The following ARHGAP15 variants were observed in gnomAD, a reference collection of about 807,000 sequenced individuals.
ARHGAP15 encodes Rho GTPase activating protein 15.
ARHGAP15 carries 51 observed loss-of-function variants against 63.7 expected under a neutral mutation model. The observed-to-expected ratio is 0.80, with a 90% CI of 0.64 to 1.01. The LOEUF is 1.01. ARHGAP15 is among the 50% of genes least tolerant of loss of function. The pLI, the probability that ARHGAP15 is intolerant of heterozygous loss-of-function variation, is 0.00. For missense variants in ARHGAP15, 560 were observed against 564.6 expected, an observed-to-expected ratio of 0.99 and a Z score of 0.08; for synonymous variants, 191 against 193.8, an observed-to-expected ratio of 0.99 and a Z score of 0.12.
intron 2 of ARHGAP15, among the ~76,000 whole-genome samples, chr2:143,179,534 A>G (rs1691142357): frequency 6.6e-6 from 1 of 152,226 alleles, no homozygotes; most frequent in South Asian, 2.1e-4. Context: ...TCACAGAGCA[A>G]ATAAAAGTTA....
At chr2:143,507,616 C>G (rs1693379607) in intron 9 of ARHGAP15, among the ~76,000 whole-genome samples, 1 of 152,200 alleles carries the variant, frequency 6.6e-6, no homozygotes, top group Non-Finnish European at 1.5e-5. Flanking sequence ...GAGGTTGATG[C>G]TTTCCAAACT....
At chr2:143,451,117 T>C (rs192681747) in intron 8 of ARHGAP15, among the ~76,000 whole-genome samples, 141 of 152,004 alleles carry the variant, frequency 9.3e-4, no homozygotes, top group African/African-American at 3.2e-3. Context: ...TGTTTCAAGA[T>C]TAGTTAACGA....
intron 6 of ARHGAP15, among the ~76,000 whole-genome samples, chr2:143,325,832 C>A (rs1684225760): frequency 6.6e-6 from 1 of 152,022 alleles, no homozygotes; most frequent in Non-Finnish European, 1.5e-5. Context: ...TGCACTTATT[C>A]AATGAAAGTT....
intron 12 of ARHGAP15, among the ~76,000 whole-genome samples, chr2:143,670,959 C>T (rs550125866): frequency 6.6e-6 from 1 of 152,256 alleles, no homozygotes; most frequent in South Asian, 2.1e-4. Flanking sequence ...TGAAAAAGTA[C>T]TCTCAGGAAT....
intron 6 of ARHGAP15, among the ~76,000 whole-genome samples, chr2:143,356,486 G>A (rs1005799000): frequency 5.9e-5 from 9 of 152,138 alleles, no homozygotes; most frequent in East Asian, 1.9e-4. Context: ...AAAATAGTGC[G>A]AAACACTCCA....
intron 6 of ARHGAP15, among the ~76,000 whole-genome samples, chr2:143,379,485 ATATGTGTGTGTGTGTGTGTGTG>A (rs1686963983): frequency 2.2e-5 from 2 of 90,192 alleles, no homozygotes; most frequent in Non-Finnish European, 5.1e-5. Context: ...TTAGGCATAT[ATATGTGTGTGTGTGTGTGTGTG>A]TGTGTGTGTG....
intron 13 of ARHGAP15, among the ~76,000 whole-genome samples, chr2:143,736,362 C>T (rs912100649): frequency 2.0e-5 from 3 of 151,424 alleles, no homozygotes; most frequent in Middle Eastern, 3.4e-3. Flanking sequence ...TACCACTGCA[C>T]TCCAGCCTGG....
chr2:143,684,541 A>G (rs987806490), intron 12 of ARHGAP15, among the ~76,000 whole-genome samples: 2 of 152,178 alleles, frequency 1.3e-5, no homozygotes, highest in South Asian at 2.1e-4. Context: ...CAGCAATACA[A>G]TGTCACAGAA....
intron 6 of ARHGAP15, among the ~76,000 whole-genome samples, chr2:143,270,922 A>G (rs1160295613): frequency 1.3e-5 from 2 of 152,048 alleles, no homozygotes; most frequent in African/African-American, 2.4e-5. Context: ...GTATATTCAA[A>G]AACATTTGAG....
intron 13 of ARHGAP15, among the ~76,000 whole-genome samples, chr2:143,757,096 T>A (rs981651784): frequency 2.0e-5 from 3 of 152,064 alleles, no homozygotes; most frequent in African/African-American, 7.2e-5. Context: ...TTTGTTCATC[T>A]GAAAAAGTTC....
rs374422960 is a variant in ARHGAP15 at position 143,437,047 on chromosome 2, G to T, written c.703+5G>T. ...CAGAGCACAGAAAATCTTTAAGTGA[G>T]TATTTTCTTTGACTTGCTCATTTTA... On this transcript the variant is annotated splice_donor_5th_base_variant and intron_variant, in intron 8 of 13. Transcript: ENST00000295095. The T allele has an allele frequency of 6.3e-7, 1 of 1,590,004 alleles. No homozygotes were observed. Among genetic ancestry groups the T allele is most frequent in the Non-Finnish European group, 8.5e-7 (1 of 1,173,638 alleles).
At chr2:143,222,086 G>T (rs1040099343) in intron 4 of ARHGAP15, among the ~76,000 whole-genome samples, 2 of 152,186 alleles carry the variant, frequency 1.3e-5, no homozygotes, top group Admixed American at 6.5e-5. Flanking sequence ...TACTGACAGA[G>T]ATGGGTATTT....
intron 6 of ARHGAP15, among the ~76,000 whole-genome samples, chr2:143,361,100 G>T (rs978946985): frequency 6.6e-6 from 1 of 152,094 alleles, no homozygotes; most frequent in African/African-American, 2.4e-5. Context: ...TTCCAGAATT[G>T]CAGAGAGAGA....
rs538360667 is a variant in ARHGAP15 at position 143,470,994 on chromosome 2, A to G, written c.704-16379A>G. On this transcript the variant is annotated intron_variant, in intron 8 of 13. Coordinates refer to ENST00000295095, the MANE Select transcript of ARHGAP15 (RefSeq NM_018460.4). The stretch of plus-strand genomic sequence containing the variant: ...GTACATACACACGTGTATCATATAC[A>G]TGTGTGTATAGATAAAGAAGATATG... 2.8e-5 allele frequency among the ~76,000 whole-genome samples: 3 copies of G among 105,826 alleles called. No individual in the cohort carries two copies. In the East Asian group the frequency reaches 9.9e-4, roughly 35 times the overall value. 69.4% of individuals were successfully genotyped at this position (105,826 alleles called of 152,430 possible). A position where few individuals can be genotyped will look rare whatever the true frequency, so the allele number is the denominator to read the frequency against.
chr2:143,155,766 A>G, intron 2 of ARHGAP15, 111 bp downstream of exon 2: 1 of 1,158,552 alleles, frequency 8.6e-7, no homozygotes. Flanking sequence ...GTGCATGAGA[A>G]AACTGTTTTT....
At chr2:143,186,685 C>T (rs1691461502) in intron 2 of ARHGAP15, among the ~76,000 whole-genome samples, 1 of 152,142 alleles carries the variant, frequency 6.6e-6, no homozygotes, top group South Asian at 2.1e-4. Context: ...GCTAAATGCC[C>T]AGGACCACAA....
intron 6 of ARHGAP15, among the ~76,000 whole-genome samples, chr2:143,368,053 C>T (rs1686372387): frequency 1.3e-5 from 2 of 151,992 alleles, no homozygotes; most frequent in African/African-American, 4.8e-5. Flanking sequence ...GAAAGTGGTG[C>T]ATATATGCTA....
chr2:143,756,452 G>A (rs1391856760), intron 13 of ARHGAP15, among the ~76,000 whole-genome samples: 1 of 152,004 alleles, frequency 6.6e-6, no homozygotes, highest in East Asian at 1.9e-4. Flanking sequence ...ATTGCTTAAA[G>A]TACTCCCAAC....
intron 4 of ARHGAP15, among the ~76,000 whole-genome samples, chr2:143,217,812 T>TTAGA (rs553248201): frequency 1.3e-3 from 194 of 152,256 alleles, no homozygotes; most frequent in African/African-American, 4.6e-3. Flanking sequence ...TTCTTCAAAA[T>TTAGA]TATCTAAGTT....
Sources: allele counts gnomAD v4.1 joint callset (sites outside exome capture counted in the v4.1 genomes callset), GRCh38; gene constraint gnomAD v4.1.1; transcripts MANE v1.5; gene names NCBI Gene and HGNC (gene_info 2026-07-23, HGNC 2026-07-21).